SPPL3: variants seen among roughly 807,000 people sequenced by gnomAD.
SPPL3 encodes the protein signal peptide peptidase-like 3.
A neutral mutation model predicts 42.4 loss-of-function variants in SPPL3; 5 were observed. The observed-to-expected ratio is 0.12, with a 90% CI of 0.06 to 0.25. The LOEUF (loss-of-function observed/expected upper bound fraction) is 0.25, where lower values mean the gene tolerates loss of function less well. Ranked by LOEUF, SPPL3 falls within the 10% of genes least tolerant of loss-of-function variation. The pLI is 1.00. For synonymous variants in SPPL3, 195 were observed against 181.8 expected, an observed-to-expected ratio of 1.07 and a Z score of -0.58; for missense variants, 235 against 489.0, an observed-to-expected ratio of 0.48 and a Z score of 4.90.
intron 2 of SPPL3, among the ~76,000 whole-genome samples, chr12:120,808,720 A>G (rs922985873): frequency 1.3e-5 from 2 of 152,232 alleles, no homozygotes; most frequent in Non-Finnish European, 2.9e-5. Context: ...TAATTTGTAG[A>G]AAGTATTTGT....
Position 120,809,045 on chromosome 12 carries a change from C to T in SPPL3, c.101+1764G>A, listed in dbSNP as rs571431954. ...TGAATCTGGAGTTCTCAGTAGACAT[C>T]TCAGTGATTAACACTTTTGGCTGGG... is the stretch of plus-strand genomic sequence containing the variant. On this transcript the variant is annotated intron_variant, in intron 2 of 10. Transcript: ENST00000353487. Among the ~76,000 whole-genome samples the T allele has an allele frequency of 7.9e-5, 12 of 152,248 alleles. No homozygotes were observed. In the South Asian group the frequency reaches 2.5e-3, roughly 32 times the overall value.
intron 1 of SPPL3, among the ~76,000 whole-genome samples, chr12:120,879,214 T>C (rs561695021): frequency 3.3e-5 from 5 of 151,626 alleles, no homozygotes; most frequent in African/African-American, 1.2e-4. Flanking sequence ...TGCAGTCACA[T>C]GCAATTCACC....
chr12:120,870,155 A>G (rs1311044423), intron 1 of SPPL3, among the ~76,000 whole-genome samples: 1 of 152,074 alleles, frequency 6.6e-6, no homozygotes, highest in East Asian at 1.9e-4. Context: ...AGTAATAAAG[A>G]AAAAAAAGGG....
intron 1 of SPPL3, among the ~76,000 whole-genome samples, chr12:120,849,718 T>C (rs1872162468): frequency 6.6e-6 from 1 of 152,206 alleles, no homozygotes. Context: ...TCTTTACCTT[T>C]TGGGACCAGG....
intron 1 of SPPL3, among the ~76,000 whole-genome samples, chr12:120,814,309 G>A (rs627211): frequency 0.1 from 15,642 of 152,114 alleles, 1,772 homozygotes; most frequent in African/African-American, 0.29. Context: ...TCAGTCAGCC[G>A]GGGAGTGGAG....
At chr12:120,853,027 T>C (rs1416380913) in intron 1 of SPPL3, among the ~76,000 whole-genome samples, 1 of 151,656 alleles carries the variant, frequency 6.6e-6, no homozygotes, top group Admixed American at 6.6e-5. Flanking sequence ...CCCGAGTAGC[T>C]GGGATTACAG....
Position 120,898,253 on chromosome 12 carries a change from G to A in SPPL3, c.23+5592C>T, listed in dbSNP as rs563679791. Among the ~76,000 whole-genome samples the A allele has an allele frequency of 7.0e-5, 10 of 142,904 alleles. No homozygotes were observed. The East Asian group carries it at 1.9e-3, about 26-fold the overall frequency. 93.8% of individuals were successfully genotyped at this position (142,904 alleles called of 152,430 possible). A position where few individuals can be genotyped will look rare whatever the true frequency, so the allele number is the denominator to read the frequency against. On this transcript the variant is annotated intron_variant, in intron 1 of 10. Transcript: ENST00000353487. ...TGGGAAGCGGAGGTTGCAGTGAGTC[G>A]AGATCGTGCCACCACACTCCAGCCT... is the stretch of plus-strand genomic sequence containing the variant.
At chr12:120,891,315 G>A (rs900933204) in intron 1 of SPPL3, among the ~76,000 whole-genome samples, 9 of 152,052 alleles carry the variant, frequency 5.9e-5, no homozygotes, top group Non-Finnish European at 1.2e-4. Context: ...TCTCCCAAAT[G>A]TCTGGTTTAT....
chr12:120,816,647 G>T (rs1870886421), intron 1 of SPPL3, among the ~76,000 whole-genome samples: 1 of 152,144 alleles, frequency 6.6e-6, no homozygotes. Flanking sequence ...AAGCAGCCAG[G>T]ACTGCAGGTG....
Position 120,763,755 on chromosome 12 carries a change from G to A in SPPL3, c.*1244C>T, listed in dbSNP as rs1868757416. On this transcript the variant is annotated 3_prime_UTR_variant, in exon 11 of 11. Transcript: ENST00000353487. ...CCCCAACACCCGGTTGTCACCACAG[G>A]TAAACCAAGACTATAATCACAACAG... 6.6e-6 allele frequency: 1 copy of A among 151,762 alleles called. No homozygotes were observed. Among genetic ancestry groups the A allele is most frequent in the South Asian group, 2.1e-4 (1 of 4,790 alleles). 9.4% of individuals were successfully genotyped at this position (151,762 alleles called of 1,614,324 possible). A position where few individuals can be genotyped will look rare whatever the true frequency, so the allele number is the denominator to read the frequency against.
intron 2 of SPPL3, among the ~76,000 whole-genome samples, chr12:120,794,964 A>G (rs1289704609): frequency 6.6e-6 from 1 of 152,140 alleles, no homozygotes; most frequent in Non-Finnish European, 1.5e-5. Flanking sequence ...CCTTCCAGTT[A>G]TATTGTAACA....
chr12:120,848,505 G>A (rs1180036511), intron 1 of SPPL3, among the ~76,000 whole-genome samples: 2 of 152,146 alleles, frequency 1.3e-5, no homozygotes, highest in Non-Finnish European at 2.9e-5. Flanking sequence ...TTAACAGAAT[G>A]GCAAGGATTT....
rs1868715968 is a variant in SPPL3 at position 120,762,911 on chromosome 12, C to G, written c.*2088G>C. ...TATTTCTACCCATCACTGGCACTTGCCCTTAATCCGAGTCATTTTGGAGCC... is the reference window on the plus strand; with the variant it reads ...TATTTCTACCCATCACTGGCACTTGGCCTTAATCCGAGTCATTTTGGAGCC... On this transcript the variant is annotated 3_prime_UTR_variant, in exon 11 of 11. Transcript: ENST00000353487. The G allele has an allele frequency of 6.6e-6, 1 of 152,238 alleles. No homozygotes were observed. Among genetic ancestry groups the G allele is most frequent in the Admixed American group, 6.5e-5 (1 of 15,280 alleles). 9.4% of individuals were successfully genotyped at this position (152,238 alleles called of 1,614,324 possible). A position where few individuals can be genotyped will look rare whatever the true frequency, so the allele number is the denominator to read the frequency against.
intron 2 of SPPL3, among the ~76,000 whole-genome samples, chr12:120,801,496 T>G (rs1870295088): frequency 1.3e-5 from 2 of 152,192 alleles, no homozygotes; most frequent in African/African-American, 2.4e-5. Context: ...CCTTTTCTAT[T>G]AATCTGCTAT....
chr12:120,874,791 G>T lies in SPPL3; in HGVS notation c.23+29054C>A, dbSNP rs1336975691. Among the ~76,000 whole-genome samples the T allele has an allele frequency of 2.0e-5, 3 of 151,968 alleles. No homozygotes were observed. In the East Asian group the frequency reaches 5.8e-4, roughly 29 times the overall value. On this transcript the variant is annotated intron_variant, in intron 1 of 10. Transcript: ENST00000353487. ...TGAGTGTGTGTGTGTGTGCTGGTGGGGTAGGAGGTGGTTATGCACCTTCTC... is the reference window on the plus strand; with the variant it reads ...TGAGTGTGTGTGTGTGTGCTGGTGGTGTAGGAGGTGGTTATGCACCTTCTC...
intron 1 of SPPL3, among the ~76,000 whole-genome samples, chr12:120,853,019 C>G (rs1295861164): frequency 6.6e-6 from 1 of 151,346 alleles, no homozygotes; most frequent in Non-Finnish European, 1.5e-5. Flanking sequence ...CTCAGCCTCC[C>G]GAGTAGCTGG....
rs919847886 is a variant in SPPL3, at chr12:120,839,850, T to TA, written c.24-28965dup. Among the ~76,000 whole-genome samples, 508 of 148,176 alleles carry TA rather than the reference T, an allele frequency of 3.4e-3. 3 individuals are homozygous for TA. Among genetic ancestry groups the TA allele is most frequent in the African/African-American group, 0.011 (435 of 40,414 alleles). ...AATTGAAAACACATGTACACATATA[T>TA]AAAAAAAAAATGAACACAAATGTTC... On this transcript the variant is annotated intron_variant, in intron 1 of 10. Coordinates refer to ENST00000353487, the MANE Select transcript of SPPL3 (RefSeq NM_139015.5).
chr12:120,808,008 T>C (rs865806007), intron 2 of SPPL3, among the ~76,000 whole-genome samples: 15 of 152,188 alleles, frequency 9.9e-5, no homozygotes, highest in Middle Eastern at 6.8e-3. Context: ...ATCCAGACTT[T>C]GTTACCAAGT....
At chr12:120,779,161 GTATA>G (rs780654097) in intron 6 of SPPL3, among the ~76,000 whole-genome samples, 80 of 152,296 alleles carry the variant, frequency 5.3e-4, no homozygotes, top group Non-Finnish European at 1.0e-3. Context: ...GTCATACAAA[GTATA>G]TATAGCCTAT....
Sources: gnomAD v4.1 joint callset for allele counts (sites outside exome capture counted in the v4.1 genomes callset) on GRCh38, gnomAD v4.1.1 for gene constraint, MANE v1.5 for transcripts, NCBI Gene and HGNC (gene_info 2026-07-23, HGNC 2026-07-21) for gene names.